Variants in PARVA observed in about 807,000 individuals in gnomAD.
The protein encoded by PARVA is parvin alpha, also known as alpha-parvin.
Under a neutral mutation model 52.6 loss-of-function variants are expected in PARVA, and 25 were observed. That is an observed-to-expected ratio of 0.48 (90% CI 0.35 to 0.66). The LOEUF (loss-of-function observed/expected upper bound fraction) is 0.66. Among genes scored for constraint, PARVA ranks in the 30% least tolerant of loss-of-function variants. The pLI, the probability that PARVA is intolerant of heterozygous loss-of-function variation, is 0.01. For synonymous variants in PARVA, 185 were observed against 179.1 expected (o/e 1.03, Z -0.26); for missense variants, 373 against 450.9 (o/e 0.83, Z 1.56).
rs531524640 is a variant in PARVA at position 12,468,190 on chromosome 11, C to T, written c.137-5555C>T. On this transcript the variant is annotated intron_variant, in intron 1 of 12. Transcript: ENST00000334956. ...TCTCTGTCACCTCTGAGTGTAGCACCGTGTGCATTGCATCTGCGGGCCTAC... is the reference window on the plus strand; with the variant it reads ...TCTCTGTCACCTCTGAGTGTAGCACTGTGTGCATTGCATCTGCGGGCCTAC... 7.2e-5 allele frequency among the ~76,000 whole-genome samples: 11 copies of T among 152,280 alleles called. No individual in the cohort carries two copies. The East Asian group carries it at 1.5e-3, about 21-fold the overall frequency.
chr11:12,484,146 A>G (rs1941125890), intron 4 of PARVA, among the ~76,000 whole-genome samples: 2 of 152,252 alleles, frequency 1.3e-5, no homozygotes, highest in Admixed American at 1.3e-4. Context: ...ACACCTAGGC[A>G]GTAGGCATGA....
intron 8 of PARVA, 133 bp from the exon 9 acceptor site, chr11:12,513,165 AG>A (rs772407525): frequency 1.3e-5 from 10 of 786,292 alleles, no homozygotes; most frequent in Non-Finnish European, 2.3e-5. Context: ...TTCCCGGCAC[AG>A]TCTATACCCC....
Position 12,496,595 on chromosome 11 carries a change from G to A in PARVA, c.538G>A (p.Asp180Asn), listed in dbSNP as rs1463251238. The A allele has an allele frequency of 1.2e-6, 2 of 1,611,648 alleles. No individual in the cohort carries two copies. The highest frequency in any genetic ancestry group is 2.2e-5 in the South Asian group (2 of 90,098). Residue 180 changes from aspartate (D) to asparagine (N), a missense_variant, in exon 5 of 13, where the codon GAT (aspartate) becomes AAT (asparagine). Transcript: ENST00000334956. ...TCCCAGGAGCATCAAGTGGAATGTG[G>A]ATTGTGAGTTGAACAAAGGAAAGGG... ...LPPRSIKWNV[D>N]SVHAKSLVAI... is the part of the protein sequence containing the mutation.
chr11:12,377,145 C>A, upstream of PARVA: 1 of 207,702 alleles, frequency 4.8e-6, no homozygotes, highest in Non-Finnish European at 9.4e-6. Flanking sequence ...CTTCCAGGAG[C>A]TGCAGTCTTG....
At chr11:12,389,188 G>C (rs1454370155) in intron 1 of PARVA, among the ~76,000 whole-genome samples, 2 of 152,170 alleles carry the variant, frequency 1.3e-5, no homozygotes, top group African/African-American at 4.8e-5. Flanking sequence ...GAGATTTCCA[G>C]CCTGGCCAGT....
intron 1 of PARVA, among the ~76,000 whole-genome samples, chr11:12,467,836 T>G (rs1283681923): frequency 6.6e-6 from 1 of 152,154 alleles, no homozygotes; most frequent in Non-Finnish European, 1.5e-5. Flanking sequence ...GTGGGCGTGG[T>G]TCAGGGAATG....
intron 4 of PARVA, among the ~76,000 whole-genome samples, chr11:12,486,378 ACAAAATTAGC>A (rs1941159021): frequency 6.6e-6 from 1 of 151,958 alleles, no homozygotes; most frequent in Non-Finnish European, 1.5e-5. Context: ...TACTAAAAAT[ACAAAATTAGC>A]CAGGCATGGT....
intron 1 of PARVA, among the ~76,000 whole-genome samples, chr11:12,387,554 C>CCT (rs1555029147): frequency 3.4e-5 from 5 of 149,128 alleles, no homozygotes; most frequent in Non-Finnish European, 7.5e-5. Context: ...TATTTTTGAG[C>CCT]GTGTGTGTGT....
At chr11:12,391,133 T>C (rs1012072841) in intron 1 of PARVA, among the ~76,000 whole-genome samples, 2 of 152,180 alleles carry the variant, frequency 1.3e-5, no homozygotes, top group Non-Finnish European at 2.9e-5. Flanking sequence ...ATTTGTTCCT[T>C]CTGATTGTCA....
chr11:12,411,609 G>C (rs1057172678), intron 1 of PARVA, among the ~76,000 whole-genome samples: 1 of 152,076 alleles, frequency 6.6e-6, no homozygotes, highest in Non-Finnish European at 1.5e-5. Flanking sequence ...CTTTTTAGGA[G>C]TACTGGTCAG....
chr11:12,500,355 A>C (rs539417860), intron 5 of PARVA, among the ~76,000 whole-genome samples: 1 of 152,312 alleles, frequency 6.6e-6, no homozygotes, highest in Admixed American at 6.5e-5. Context: ...TGTTGGCCTC[A>C]GCTTCTGTTG....
intron 1 of PARVA, among the ~76,000 whole-genome samples, chr11:12,415,886 C>T (rs1359340842): frequency 6.6e-6 from 1 of 152,196 alleles, no homozygotes; most frequent in Non-Finnish European, 1.5e-5. Context: ...TCTCTGAAAC[C>T]CACAAGAGTC....
chr11:12,405,900 A>G (rs59755769), intron 1 of PARVA, among the ~76,000 whole-genome samples: 1 of 152,064 alleles, frequency 6.6e-6, no homozygotes, highest in African/African-American at 2.4e-5. Context: ...GGAGGTTGCC[A>G]TGAGCTGAGA....
chr11:12,456,369 A>G, intron 1 of PARVA, among the ~76,000 whole-genome samples: 1 of 152,138 alleles, frequency 6.6e-6, no homozygotes, highest in Non-Finnish European at 1.5e-5. Flanking sequence ...GCTGGGATTA[A>G]TCCAAGATCT....
At chr11:12,513,022 C>G in intron 8 of PARVA, 2 of 606,522 alleles carry the variant, frequency 3.3e-6, no homozygotes, top group Non-Finnish European at 6.1e-6. Flanking sequence ...AGGGAAATGA[C>G]TAATCCCGGG....
intron 4 of PARVA, among the ~76,000 whole-genome samples, chr11:12,494,776 A>G (rs1035667928): frequency 3.3e-5 from 5 of 152,208 alleles, no homozygotes; most frequent in Admixed American, 1.3e-4. Flanking sequence ...AAATGTATAG[A>G]CAATGATGCA....
chr11:12,454,590 A>AG (rs1491587324), intron 1 of PARVA, among the ~76,000 whole-genome samples: 3 of 148,084 alleles, frequency 2.0e-5, no homozygotes, highest in African/African-American at 7.5e-5. Context: ...AAAAAAAAAA[A>AG]GAAGAAGAAC....
intron 1 of PARVA, 40 bp from the exon 2 acceptor site, chr11:12,473,705 C>A (rs749372701): frequency 1.4e-6 from 2 of 1,462,966 alleles, no homozygotes; most frequent in Admixed American, 2.0e-5. Flanking sequence ...CCCTGCCGTC[C>A]GTCAGCTGAA....
chr11:12,390,042 G>A (rs1414871383), intron 1 of PARVA, among the ~76,000 whole-genome samples: 3 of 152,154 alleles, frequency 2.0e-5, no homozygotes, highest in Non-Finnish European at 4.4e-5. Flanking sequence ...TCATGAAAAT[G>A]CAGCCCATCT....
Sources: gnomAD v4.1 joint callset for allele counts (sites outside exome capture counted in the v4.1 genomes callset) on GRCh38, gnomAD v4.1.1 for gene constraint, MANE v1.5 for transcripts, NCBI Gene and HGNC (gene_info 2026-07-23, HGNC 2026-07-21) for gene names.